DPYD: variants seen among roughly 807,000 people sequenced by gnomAD.
DPYD encodes the protein dihydropyrimidine dehydrogenase, also known as dihydropyrimidine dehydrogenase [NADP(+)].
In DPYD, 109 loss-of-function variants were observed where a neutral mutation model predicts 116.2. The ratio of observed to expected loss-of-function variants is 0.94; its 90% CI spans 0.80 to 1.10. DPYD has a LOEUF of 1.10. Ranked by LOEUF, DPYD falls within the 50% of genes least tolerant of loss-of-function variation. DPYD has a pLI of 0.00. For synonymous variants in DPYD, 440 were observed against 432.0 expected (o/e 1.02, Z -0.23); for missense variants, 1,302 against 1,254.5 (o/e 1.04, Z -0.57).
At chr1:97,102,116 A>G (rs1650736375) in intron 20 of DPYD, among the ~76,000 whole-genome samples, 1 of 151,918 alleles carries the variant, frequency 6.6e-6, no homozygotes, top group South Asian at 2.1e-4. Context: ...ATCTAAAGTT[A>G]ATTGAGCATA....
At chr1:97,269,500 T>C (rs147512801) in intron 18 of DPYD, among the ~76,000 whole-genome samples, 7 of 152,360 alleles carry the variant, frequency 4.6e-5, no homozygotes, top group African/African-American at 1.7e-4. Flanking sequence ...ACCAATTTCC[T>C]GTCTTAGTCC....
intron 3 of DPYD, among the ~76,000 whole-genome samples, chr1:97,799,150 A>G (rs1667730654): frequency 6.6e-6 from 1 of 152,002 alleles, no homozygotes; most frequent in African/African-American, 2.4e-5. Context: ...CTTTAGGCCA[A>G]GCTTGTTCCT....
chr1:97,708,370 A>G (rs1662102121), intron 5 of DPYD, among the ~76,000 whole-genome samples: 1 of 152,024 alleles, frequency 6.6e-6, no homozygotes, highest in African/African-American at 2.4e-5. Context: ...TACATATGGA[A>G]GTAGGGTGGT....
At chr1:97,550,427 T>G (rs538445767) in intron 11 of DPYD, among the ~76,000 whole-genome samples, 2 of 152,252 alleles carry the variant, frequency 1.3e-5, no homozygotes, top group African/African-American at 4.8e-5. Flanking sequence ...TGCATTCTAA[T>G]GAATCTAAAA....
At chr1:97,329,013 G>T (rs1219326158) in intron 16 of DPYD, among the ~76,000 whole-genome samples, 1 of 152,078 alleles carries the variant, frequency 6.6e-6, no homozygotes, top group Non-Finnish European at 1.5e-5. Context: ...TTTGATTAGA[G>T]AAAATATTTT....
intron 20 of DPYD, among the ~76,000 whole-genome samples, chr1:97,108,618 A>G (rs1651354272): frequency 6.6e-6 from 1 of 152,152 alleles, no homozygotes; most frequent in Admixed American, 6.6e-5. Context: ...AACTAAAGAT[A>G]TTGTAGCTAT....
Position 97,319,314 on chromosome 1 carries a change from A to G in DPYD, c.2059-13017T>C, listed in dbSNP as rs2101093872. Among the ~76,000 whole-genome samples, 2 of 151,304 alleles carry G rather than the reference A, an allele frequency of 1.3e-5. 1 individual carries two copies. The highest frequency in any genetic ancestry group is 4.2e-4 in the South Asian group (2 of 4,768). On this transcript the variant is annotated intron_variant, in intron 16 of 22. Transcript: ENST00000370192. ...AGGAGCTGGTTTTCTGAAAGGATCA[A>G]CAAAATTGATAGACTGCTAGCAAGA...
At chr1:97,883,001 A>T (rs887216096) in intron 2 of DPYD, among the ~76,000 whole-genome samples, 8 of 152,088 alleles carry the variant, frequency 5.3e-5, no homozygotes, top group Non-Finnish European at 1.2e-4. Context: ...AATGCTTGAC[A>T]ACAGATTTGT....
intron 22 of DPYD, among the ~76,000 whole-genome samples, chr1:97,079,875 C>G (rs1176740489): frequency 6.6e-6 from 1 of 152,004 alleles, no homozygotes; most frequent in Non-Finnish European, 1.5e-5. Flanking sequence ...TATTCCCTCC[C>G]TCCCTTCCTC....
intron 17 of DPYD, among the ~76,000 whole-genome samples, chr1:97,305,609 T>TA (rs1388271486): frequency 5.9e-5 from 9 of 152,016 alleles, no homozygotes; most frequent in Non-Finnish European, 1.0e-4. Context: ...GACTTGTTGT[T>TA]ACCAAATGTT....
chr1:97,556,881 TG>T (rs1383061698), intron 11 of DPYD, among the ~76,000 whole-genome samples: 2 of 150,448 alleles, frequency 1.3e-5, no homozygotes, highest in African/African-American at 4.8e-5. Context: ...AGTAATGGGA[TG>T]GCTGGGTCAA....
chr1:97,784,096 C>G (rs1290070337), intron 3 of DPYD, among the ~76,000 whole-genome samples: 1 of 152,084 alleles, frequency 6.6e-6, no homozygotes. Flanking sequence ...TATCAGCCAT[C>G]TAATATGCAA....
At chr1:97,389,000 G>T (rs1250369653) in intron 14 of DPYD, among the ~76,000 whole-genome samples, 1 of 152,058 alleles carries the variant, frequency 6.6e-6, no homozygotes, top group Non-Finnish European at 1.5e-5. Flanking sequence ...ATGCATTTAG[G>T]TTTCTAAATT....
chr1:97,755,132 A>T (rs1396068923), intron 3 of DPYD, among the ~76,000 whole-genome samples: 1 of 152,154 alleles, frequency 6.6e-6, no homozygotes, highest in African/African-American at 2.4e-5. Context: ...TCCTGCTTGT[A>T]GGTCTCAAGA....
chr1:97,305,205 T>C, intron 18 of DPYD, 54 bp downstream of exon 18: 19 of 1,610,626 alleles, frequency 1.2e-5, no homozygotes, highest in Non-Finnish European at 1.5e-5. Flanking sequence ...CATGACCTTC[T>C]GATTTTTCAG....
chr1:97,659,971 C>A (rs1195357174), intron 8 of DPYD, among the ~76,000 whole-genome samples: 1 of 152,016 alleles, frequency 6.6e-6, no homozygotes, highest in Non-Finnish European at 1.5e-5. Flanking sequence ...TCAGAAAATG[C>A]CCTATATTCT....
intron 20 of DPYD, among the ~76,000 whole-genome samples, chr1:97,171,486 G>A (rs920659425): frequency 6.6e-6 from 1 of 152,170 alleles, no homozygotes; most frequent in Admixed American, 6.5e-5. Flanking sequence ...ACAAGTAGAG[G>A]TGGTAGAATG....
chr1:97,599,304 T>C (rs1439922210), intron 8 of DPYD, among the ~76,000 whole-genome samples: 2 of 152,166 alleles, frequency 1.3e-5, no homozygotes, highest in African/African-American at 4.8e-5. Context: ...ACAGAATAAA[T>C]AACAGCAGTA....
At chr1:97,743,699 A>T (rs1664390703) in intron 3 of DPYD, among the ~76,000 whole-genome samples, 1 of 152,138 alleles carries the variant, frequency 6.6e-6, no homozygotes, top group Non-Finnish European at 1.5e-5. Flanking sequence ...GATTGATACC[A>T]TGAAAAATCA....
Sources: gnomAD v4.1 joint callset for allele counts (sites outside exome capture counted in the v4.1 genomes callset) on GRCh38, gnomAD v4.1.1 for gene constraint, MANE v1.5 for transcripts, NCBI Gene and HGNC (gene_info 2026-07-23, HGNC 2026-07-21) for gene names.